The following BNIP2 variants were observed in gnomAD, a reference collection of about 807,000 sequenced individuals.
BNIP2 encodes BCL2/adenovirus E1B 19 kDa protein-interacting protein 2.
Under a neutral mutation model 43.4 loss-of-function variants are expected in BNIP2, and 36 were observed. The observed-to-expected ratio is 0.83, with a 90% CI of 0.64 to 1.10. The LOEUF is 1.10. Among genes scored for constraint, BNIP2 ranks in the 50% least tolerant of loss-of-function variants. The pLI is 0.00. For synonymous variants in BNIP2, 146 were observed against 121.0 expected (o/e 1.21, Z -1.35); for missense variants, 417 against 374.1 (o/e 1.11, Z -0.95).
intron 9 of BNIP2, among the ~76,000 whole-genome samples, chr15:59,665,611 A>G (rs1387923106): frequency 6.6e-6 from 1 of 152,184 alleles, no homozygotes; most frequent in Non-Finnish European, 1.5e-5. Flanking sequence ...CCCTGTCTCA[A>G]AAAAACAAAA....
intron 5 of BNIP2, chr15:59,676,755 T>C: frequency 7.0e-7 from 1 of 1,438,080 alleles, no homozygotes; most frequent in Non-Finnish European, 9.5e-7. Context: ...AGTTGGGGTG[T>C]CATGGAGGAT....
chr15:59,664,312 C>G (rs780768573), intron 9 of BNIP2, among the ~76,000 whole-genome samples, 192 bp from the exon 10 acceptor site: 1 of 152,182 alleles, frequency 6.6e-6, no homozygotes, highest in Non-Finnish European at 1.5e-5. Context: ...CAGGAGGACA[C>G]TGGCAAGAAA....
At chr15:59,682,180 A>G (rs1023104595) in intron 2 of BNIP2, among the ~76,000 whole-genome samples, 4 of 152,080 alleles carry the variant, frequency 2.6e-5, no homozygotes, top group Non-Finnish European at 5.9e-5. Context: ...TACAAAAATT[A>G]GCCAGGCGTG....
At chr15:59,670,159 G>C (rs1449297277) in intron 7 of BNIP2, among the ~76,000 whole-genome samples, 1 of 152,238 alleles carries the variant, frequency 6.6e-6, no homozygotes, top group Non-Finnish European at 1.5e-5. Flanking sequence ...ACTGAGCGCT[G>C]TGGCTCATGC....
intron 5 of BNIP2, among the ~76,000 whole-genome samples, chr15:59,675,862 G>A (rs1357309931): frequency 1.3e-5 from 2 of 152,202 alleles, no homozygotes; most frequent in Admixed American, 6.5e-5. Context: ...AAACAAAAGA[G>A]TGCATAGGAT....
At position 59,660,231 on chromosome 15, in the gene BNIP2, A is replaced by G. The variant is rs1415254748; in HGVS notation, c.*3838T>C. ...AGCAAAATAGGTCTAACTTGTGAGT[A>G]CATACATTAATGCCTCTTTTTACTC... On this transcript the variant is annotated 3_prime_UTR_variant, in exon 10 of 10. Coordinates refer to ENST00000607373, the MANE Select transcript of BNIP2 (RefSeq NM_004330.4). The G allele has an allele frequency of 1.3e-5, 2 of 152,346 alleles. No homozygotes were observed. Among genetic ancestry groups the G allele is most frequent in the East Asian group, 1.9e-4 (1 of 5,188 alleles). 9.4% of individuals were successfully genotyped at this position (152,346 alleles called of 1,614,324 possible).
At chr15:59,669,430 A>G in intron 7 of BNIP2, 68 bp from the exon 8 acceptor site, 2 of 1,115,768 alleles carry the variant, frequency 1.8e-6, no homozygotes, top group Non-Finnish European at 2.5e-6. Context: ...CTAATGCTGC[A>G]AGTTTATACA....
intron 6 of BNIP2, chr15:59,672,333 G>A: frequency 4.7e-6 from 1 of 211,908 alleles, no homozygotes; most frequent in Non-Finnish European, 9.4e-6. Context: ...GAGTGCAGTG[G>A]CAAAATCACA....
rs1322994048 is a variant in BNIP2 at position 59,669,425 on chromosome 15, G to C, written c.708-63C>G. ...ATTAAAAATTTCTATAAATTCTAAT[G>C]CTGCAAGTTTATACAAAATAATAGT... On this transcript the variant is annotated intron_variant, in intron 7 of 9. Coordinates refer to ENST00000607373, the MANE Select transcript of BNIP2 (RefSeq NM_004330.4). The C allele has an allele frequency of 2.6e-6, 3 of 1,158,496 alleles. No homozygotes were observed. In the East Asian group the frequency reaches 7.7e-5, roughly 30 times the overall value. The allele number at this position is 1,158,496 out of a possible 1,614,324, so 71.8% of individuals were successfully genotyped here. A position where few individuals can be genotyped will look rare whatever the true frequency, so the allele number is the denominator to read the frequency against.
intron 9 of BNIP2, among the ~76,000 whole-genome samples, chr15:59,667,905 A>G (rs1892659750): frequency 6.6e-6 from 1 of 152,232 alleles, no homozygotes; most frequent in Non-Finnish European, 1.5e-5. Flanking sequence ...GGCATCATAT[A>G]TGGCAATAAA....
chr15:59,677,850 C>CAA, intron 5 of BNIP2, 61 bp downstream of exon 5: 9 of 1,301,356 alleles, frequency 6.9e-6, no homozygotes, highest in Non-Finnish European at 7.3e-6. Flanking sequence ...GATATCCTTC[C>CAA]AAAAAAAAAA....
rs1479730455 is a variant in BNIP2 at position 59,679,670 on chromosome 15, C to A, written c.217G>T (p.Asp73Tyr). 6.2e-7 allele frequency: 1 copy of A among 1,612,996 alleles called. No homozygotes were observed. Among genetic ancestry groups the A allele is most frequent in the African/African-American group, 1.3e-5 (1 of 74,872 alleles). The change falls in exon 4 of 10, where the codon GAT becomes TAT. Residue 73 changes from aspartate (D) to tyrosine (Y), a missense_variant. Physicochemically the swap from Asp to Tyr is radical, Grantham distance 160. Coordinates refer to ENST00000607373, the MANE Select transcript of BNIP2 (RefSeq NM_004330.4). The part of the protein sequence containing the change: ...DPSDGSVLSD[D>Y]LDESGEIDLD... ...TCAATCTCCCCACTTTCATCCAAAT[C>A]ATCTGACAATACAGAGCCATCACTA...
chr15:59,680,552 G>C (rs1452392077), intron 2 of BNIP2, among the ~76,000 whole-genome samples: 1 of 151,986 alleles, frequency 6.6e-6, no homozygotes, highest in African/African-American at 2.4e-5. Context: ...AAGACTACAG[G>C]TGCGTGCCAC....
intron 5 of BNIP2, chr15:59,676,653 G>A: frequency 1.7e-6 from 1 of 589,584 alleles, no homozygotes; most frequent in Non-Finnish European, 3.0e-6. Flanking sequence ...TCTAGGCAGA[G>A]TTTCTAAAAG....
rs1401293969 is a variant in BNIP2 at position 59,662,734 on chromosome 15, G to C, written c.*1335C>G. On this transcript the variant is annotated 3_prime_UTR_variant, in exon 10 of 10. Coordinates refer to ENST00000607373, the MANE Select transcript of BNIP2 (RefSeq NM_004330.4). ...AATACCTTACAGGAAGGGTTGAAGA[G>C]TAGCCATGACCTTCAAATTTGGAAG... The C allele has an allele frequency of 6.6e-6, 1 of 152,198 alleles. No individual in the cohort carries two copies. Among genetic ancestry groups the C allele is most frequent in the Non-Finnish European group, 1.5e-5 (1 of 68,026 alleles). 9.4% of individuals were successfully genotyped at this position (152,198 alleles called of 1,614,324 possible). A position where few individuals can be genotyped will look rare whatever the true frequency, so the allele number is the denominator to read the frequency against.
intron 6 of BNIP2, among the ~76,000 whole-genome samples, chr15:59,672,039 G>A (rs1434358938): frequency 1.3e-5 from 2 of 152,302 alleles, no homozygotes; most frequent in East Asian, 3.9e-4. Flanking sequence ...TTGTACCACT[G>A]CACTCCAGCC....
At chr15:59,684,618 T>C (rs190430899) in intron 1 of BNIP2, among the ~76,000 whole-genome samples, 1 of 152,330 alleles carries the variant, frequency 6.6e-6, no homozygotes, top group East Asian at 1.9e-4. Context: ...AAGTCTTTTC[T>C]AGATGTTTAA....
chr15:59,686,002 A>C (rs1278308353), intron 1 of BNIP2, among the ~76,000 whole-genome samples: 1 of 152,220 alleles, frequency 6.6e-6, no homozygotes, highest in African/African-American at 2.4e-5. Context: ...TATTTGTTAA[A>C]ATAACCTGTT....
intron 3 of BNIP2, 25 bp downstream of exon 3, chr15:59,680,216 A>C: frequency 6.7e-7 from 1 of 1,491,292 alleles, no homozygotes; most frequent in East Asian, 2.3e-5. Context: ...CATAATTTCA[A>C]TGAAAGTAAG....
Sources: allele counts gnomAD v4.1 joint callset (sites outside exome capture counted in the v4.1 genomes callset), GRCh38; gene constraint gnomAD v4.1.1; transcripts MANE v1.5; gene names NCBI Gene and HGNC (gene_info 2026-07-23, HGNC 2026-07-21).